Variants in SYN1 observed in about 807,000 individuals in gnomAD.
The protein encoded by SYN1 is synapsin I.
SYN1 carries 8 observed loss-of-function variants against 44.6 expected under a neutral mutation model. The observed-to-expected ratio is 0.18, with a 90% confidence interval of 0.11 to 0.32. The LOEUF is 0.32. Among genes scored for constraint, SYN1 ranks in the 10% least tolerant of loss-of-function variants. The pLI is 1.00. For synonymous variants in SYN1, 275 were observed against 280.1 expected, an observed-to-expected ratio of 0.98 and a Z score of 0.18; for missense variants, 451 against 639.4, an observed-to-expected ratio of 0.71 and a Z score of 3.18.
intron 5 of SYN1, among the ~76,000 whole-genome samples, chrX:47,579,829 C>T (rs1176469713): frequency 1.9e-5 from 2 of 107,032 alleles, no homozygotes; most frequent in Non-Finnish European, 3.9e-5. Flanking sequence ...GGTTTACTTC[C>T]CTTCCTCCCT....
intron 5 of SYN1, among the ~76,000 whole-genome samples, chrX:47,603,376 T>C (rs1259936769): frequency 9.0e-6 from 1 of 111,044 alleles, no homozygotes; most frequent in Non-Finnish European, 1.9e-5. Flanking sequence ...TTTAAATTTT[T>C]TGTAGAAATG....
intron 5 of SYN1, among the ~76,000 whole-genome samples, chrX:47,595,018 C>A (rs894195658): frequency 9.0e-6 from 1 of 111,159 alleles, no homozygotes; most frequent in Non-Finnish European, 1.9e-5. Flanking sequence ...TGAGCCACTG[C>A]GCCTGGCTGT....
rs1450185106 is a variant in SYN1 at position 47,616,483 on chromosome X, C to T, written c.377+2869G>A. ...AAAGAAGGAAGCAGACGCAAAGGAC[C>T]TGCATGGAGGGCTGGAGTGGAGACC... On this transcript the variant is annotated intron_variant, in intron 1 of 12. Coordinates refer to ENST00000295987, the MANE Select transcript of SYN1 (RefSeq NM_006950.3). 2.7e-5 allele frequency among the ~76,000 whole-genome samples: 3 copies of T among 111,677 alleles called. No homozygotes were observed. In the Admixed American group the frequency reaches 2.9e-4, roughly 11 times the overall value.
At position 47,574,100 on chromosome X, in the gene SYN1, G is replaced by A. The variant is rs2147912043; in HGVS notation, c.1884C>T (p.Pro628=). The part of the protein sequence containing the change: ...TQQPRPSGPG[P]AGRPKPQLAQ... The stretch of plus-strand genomic sequence containing the variant: ...CCAGCTGTGGTTTGGGACGTCCAGC[G>A]GGGCCCGGGCCGCTGGGCCGAGGCT... The change falls in exon 12 of 13, where the codon CCC becomes CCT. Residue 628 remains proline, a synonymous_variant. Coordinates refer to ENST00000295987, the MANE Select transcript of SYN1 (RefSeq NM_006950.3). 8.9e-7 allele frequency: 1 copy of A among 1,128,175 alleles called. No homozygotes were observed. Among genetic ancestry groups the A allele is most frequent in the Non-Finnish European group, 1.2e-6 (1 of 858,113 alleles). The allele number at this position is 1,128,175 out of a possible 1,213,427, so 93.0% of individuals were successfully genotyped here.
At chrX:47,604,863 G>A (rs1389162088) in intron 5 of SYN1, 115 bp downstream of exon 5, 1 of 711,234 alleles carries the variant, frequency 1.4e-6, no homozygotes, top group Non-Finnish European at 2.1e-6. Context: ...ATGACTCCAC[G>A]TGCACACAGC....
intron 1 of SYN1, among the ~76,000 whole-genome samples, chrX:47,613,616 G>A (rs2057923127): frequency 1.8e-5 from 2 of 111,730 alleles, no homozygotes. Flanking sequence ...CCACCAGCAC[G>A]AGACCCTGCA....
At chrX:47,585,703 C>T in intron 5 of SYN1, 1 of 1,205,062 alleles carries the variant, frequency 8.3e-7, no homozygotes, top group Non-Finnish European at 1.1e-6. Context: ...ACGGGAGATC[C>T]TTCCCGGGGC....
rs2057892166 is a variant in SYN1 at position 47,605,051 on chromosome X, C to T, written c.701G>A (p.Arg234Gln). 5 of 1,211,330 alleles carry T rather than the reference C, an allele frequency of 4.1e-6. No homozygotes were observed. Among genetic ancestry groups the T allele is most frequent in the Middle Eastern group, 2.3e-4 (1 of 4,352 alleles). ...DKPWVFAQMV[R>Q]LHKKLGTEEF... Reference sequence around the variant, plus strand: ...TTCTGTCCCCAGTTTCTTATGCAGTCGAACCATCTGGGCAAACTATGAGAA... The same window carrying T: ...TTCTGTCCCCAGTTTCTTATGCAGTTGAACCATCTGGGCAAACTATGAGAA... Residue 234 changes from arginine to glutamine, a missense_variant, in exon 5 of 13, where the codon CGA (arginine) becomes CAA (glutamine). Arg to Gln is a conservative substitution (Grantham distance 43). This residue lies in a region of SYN1 where 315 missense variants were observed against 451.4 expected (regional missense o/e 0.70). Transcript: ENST00000295987.
At chrX:47,614,227 A>C (rs1250796481) in intron 1 of SYN1, among the ~76,000 whole-genome samples, 1 of 111,689 alleles carries the variant, frequency 9.0e-6, no homozygotes, top group Admixed American at 9.5e-5. Flanking sequence ...GGCAGGGAGG[A>C]GTATGTCTGG....
At chrX:47,605,596 T>G (rs938391795) in intron 3 of SYN1, among the ~76,000 whole-genome samples, 3 of 111,548 alleles carry the variant, frequency 2.7e-5, no homozygotes, top group Non-Finnish European at 5.7e-5. Flanking sequence ...CCTGTTCCCT[T>G]CTCAGCAAGG....
chrX:47,577,372 C>T, intron 6 of SYN1, 67 bp downstream of exon 6: 9 of 1,105,223 alleles, frequency 8.1e-6, no homozygotes, highest in African/African-American at 1.8e-5. Context: ...GACGCGATCA[C>T]ACAGAATGAC....
At chrX:47,606,239 T>C (rs2147928166) in intron 3 of SYN1, among the ~76,000 whole-genome samples, 1 of 110,901 alleles carries the variant, frequency 9.0e-6, no homozygotes, top group South Asian at 3.7e-4. Context: ...TATTTATTTG[T>C]GTATTGTGTG....
intron 1 of SYN1, among the ~76,000 whole-genome samples, chrX:47,609,631 C>A (rs1296730624): frequency 8.9e-6 from 1 of 112,312 alleles, no homozygotes; most frequent in African/African-American, 3.2e-5. Flanking sequence ...TAATGCAATT[C>A]TGGAGCTGGG....
At position 47,575,249 on chromosome X, in the gene SYN1, A is replaced by G. The variant is rs2057773960; in HGVS notation, c.1184T>C (p.Ile395Thr). The G allele has an allele frequency of 2.5e-6, 3 of 1,210,249 alleles. No individual in the cohort carries two copies. Among genetic ancestry groups the G allele is most frequent in the Non-Finnish European group, 3.4e-6 (3 of 894,627 alleles). The change falls in exon 10 of 13, where the codon ATT becomes ACT. Residue 395 changes from isoleucine to threonine, a missense_variant. Around this residue, in one of 3 missense-constraint regions of SYN1, gnomAD observed 315 missense variants for 451.4 expected, o/e 0.70. Coordinates refer to ENST00000295987, the MANE Select transcript of SYN1 (RefSeq NM_006950.3). ...TTTGTCTTCATCCTGGTGGTCACCA[A>G]TGAGCGGCATGGAGGAACCCACCAC... ...IEVVGSSMPLIGDHQDEDKQL... is the reference protein window; with the variant it reads ...IEVVGSSMPLTGDHQDEDKQL...
At chrX:47,578,174 A>G (rs1321211100) in intron 5 of SYN1, among the ~76,000 whole-genome samples, 1 of 110,218 alleles carries the variant, frequency 9.1e-6, no homozygotes, top group East Asian at 2.9e-4. Context: ...TAGGCACACA[A>G]TCAATACTTG....
In SYN1 at chrX:47,619,827, G is replaced by A. The variant is rs753889772; in HGVS notation, c.-99C>T. The A allele has an allele frequency of 2.2e-4, 201 of 919,755 alleles. 1 individual carries two copies. Among genetic ancestry groups the A allele is most frequent in the Middle Eastern group, 7.7e-4 (2 of 2,587 alleles). 75.8% of individuals were successfully genotyped at this position (919,755 alleles called of 1,213,427 possible). On this transcript the variant is annotated 5_prime_UTR_variant, in exon 1 of 13. Coordinates refer to ENST00000295987, the MANE Select transcript of SYN1 (RefSeq NM_006950.3). ...GGAGCACAGCTGCGCTCTCAGGCACGACACGACTCCTCCGCTGCCCACCGC... is the reference window on the plus strand; with the variant it reads ...GGAGCACAGCTGCGCTCTCAGGCACAACACGACTCCTCCGCTGCCCACCGC...
chrX:47,596,840 TG>T (rs2057865120), intron 5 of SYN1, among the ~76,000 whole-genome samples: 1 of 111,858 alleles, frequency 8.9e-6, no homozygotes, highest in African/African-American at 3.2e-5. Flanking sequence ...AAATTAAGTG[TG>T]GCCCAAACAC....
chrX:47,579,848 C>CG (rs1569324060), intron 5 of SYN1, among the ~76,000 whole-genome samples: 2 of 74,614 alleles, frequency 2.7e-5, no homozygotes, highest in Admixed American at 2.9e-4. Context: ...CTGTTTTTGT[C>CG]GCCCCCCCAC....
At chrX:47,586,377 G>A (rs2057826433) in intron 5 of SYN1, 1 of 1,081,961 alleles carries the variant, frequency 9.2e-7, no homozygotes, top group Admixed American at 3.7e-5. Context: ...CCCTCAATGG[G>A]AGGGGCTGTC....
Sources: allele counts gnomAD v4.1 joint callset (sites outside exome capture counted in the v4.1 genomes callset), GRCh38; gene constraint gnomAD v4.1.1; regional missense constraint gnomAD v4.1.1; transcripts MANE v1.5; gene names NCBI Gene and HGNC (gene_info 2026-07-23, HGNC 2026-07-21).